The following ALK variants were observed in gnomAD, a reference collection of about 807,000 sequenced individuals.
ALK encodes the protein ALK receptor tyrosine kinase.
ALK carries 74 observed loss-of-function variants against 163.1 expected under a neutral mutation model. The ratio of observed to expected loss-of-function variants is 0.45; its 90% CI spans 0.38 to 0.55. ALK has a LOEUF of 0.55. ALK is among the 20% of genes least tolerant of loss of function. The probability of loss-of-function intolerance (pLI) is 0.00; values close to 1 mark genes in which losing one functional copy is unlikely to be tolerated. For missense variants in ALK, 2,063 were observed against 2,105.3 expected (o/e 0.98, Z 0.39); for synonymous variants, 960 against 843.2 (o/e 1.14, Z -2.40).
chr2:29,587,579 C>T (rs764809670), intron 3 of ALK, among the ~76,000 whole-genome samples: 4 of 152,120 alleles, frequency 2.6e-5, no homozygotes, highest in East Asian at 1.9e-4. Context: ...TCAACTCATT[C>T]GCCTGGAGCT....
At chr2:29,296,808 C>T (rs1033369168) in intron 9 of ALK, 80 bp downstream of exon 9, 101 of 1,587,846 alleles carry the variant, frequency 6.4e-5, no homozygotes, top group East Asian at 2.3e-4. Flanking sequence ...GTAAAAGGCA[C>T]GGGGAAAGGG....
intron 3 of ALK, among the ~76,000 whole-genome samples, chr2:29,584,257 CTCATT>C (rs1674808703): frequency 6.6e-6 from 1 of 152,220 alleles, no homozygotes; most frequent in African/African-American, 2.4e-5. Flanking sequence ...AGGAACCCTC[CTCATT>C]TATTACTTGT....
intron 4 of ALK, among the ~76,000 whole-genome samples, chr2:29,460,494 A>C (rs1456545130): frequency 1.3e-5 from 2 of 152,240 alleles, no homozygotes; most frequent in East Asian, 1.9e-4. Context: ...ATTTTCCAGC[A>C]GTGTGTGCTC....
At chr2:29,292,262 T>A (rs1666049131) in intron 9 of ALK, among the ~76,000 whole-genome samples, 1 of 152,254 alleles carries the variant, frequency 6.6e-6, no homozygotes, top group South Asian at 2.1e-4. Context: ...GGGACATGAT[T>A]TGATCCATGG....
intron 3 of ALK, among the ~76,000 whole-genome samples, chr2:29,634,477 A>G (rs1676467324): frequency 6.6e-6 from 1 of 152,206 alleles, no homozygotes; most frequent in African/African-American, 2.4e-5. Context: ...CAATATTAAA[A>G]AAATCAATCA....
chr2:29,247,117 C>CCCCCGGCCTCCGCGGCAGCGCCTTTTA (rs999982159), intron 12 of ALK, among the ~76,000 whole-genome samples: 14 of 152,126 alleles, frequency 9.2e-5, no homozygotes, highest in South Asian at 8.3e-4. Flanking sequence ...CAGCGCCTTT[C>CCCCCGGCCTCCGCGGCAGCGCCTTTTA]CCCCGGCCTC....
chr2:29,325,308 T>G (rs892087273), intron 6 of ALK, among the ~76,000 whole-genome samples: 3 of 152,134 alleles, frequency 2.0e-5, no homozygotes, highest in African/African-American at 7.2e-5. Flanking sequence ...AAGAGTATTT[T>G]CCTATGATGT....
At chr2:29,229,162 GC>G (rs1664114273) in intron 15 of ALK, 96 bp from the exon 16 acceptor site, 1 of 1,099,792 alleles carries the variant, frequency 9.1e-7, no homozygotes, top group Non-Finnish European at 1.4e-6. Context: ...CTTGGAGGGC[GC>G]CCGCACCAGC....
chr2:29,283,785 C>A (rs1484284098), intron 9 of ALK, among the ~76,000 whole-genome samples: 1 of 152,054 alleles, frequency 6.6e-6, no homozygotes, highest in Non-Finnish European at 1.5e-5. Flanking sequence ...TTTATTGCTC[C>A]TGTTTTATAT....
At chr2:29,326,269 A>C (rs1667257978) in intron 6 of ALK, among the ~76,000 whole-genome samples, 2 of 152,168 alleles carry the variant, frequency 1.3e-5, no homozygotes. Flanking sequence ...CCCTGAGCCC[A>C]TAGTAATGGA....
chr2:29,913,815 A>G (rs1329627077), intron 1 of ALK, among the ~76,000 whole-genome samples: 4 of 152,110 alleles, frequency 2.6e-5, no homozygotes, highest in Admixed American at 1.3e-4. Flanking sequence ...AGGTCCATTA[A>G]CCAGTTGGTA....
chr2:29,777,806 A>C (rs1010123444), intron 1 of ALK, among the ~76,000 whole-genome samples: 4 of 152,136 alleles, frequency 2.6e-5, no homozygotes, highest in African/African-American at 9.7e-5. Context: ...CACTTTAAGT[A>C]AGGAGGCACT....
At chr2:29,427,535 GA>G (rs1670174156) in intron 4 of ALK, among the ~76,000 whole-genome samples, 1 of 150,544 alleles carries the variant, frequency 6.6e-6, no homozygotes, top group Non-Finnish European at 1.5e-5. Context: ...AAACTACTAA[GA>G]AAAAAACTCA....
intron 4 of ALK, among the ~76,000 whole-genome samples, chr2:29,504,308 G>T (rs2148134437): frequency 6.6e-6 from 1 of 152,278 alleles, no homozygotes; most frequent in South Asian, 2.1e-4. Context: ...GTCACACAGG[G>T]CTTTAGGCTG....
In ALK at chr2:29,196,632, A is replaced by C. The variant is rs552394566; in HGVS notation, c.4164+138T>G. ...ATGGAGACACCAGTCATTTCATTTT[A>C]GAGAAAATTAATTTTCACTATTTTG... On this transcript the variant is annotated intron_variant, in intron 28 of 28. Transcript: ENST00000389048. The C allele has an allele frequency of 2.9e-4, 216 of 742,402 alleles. No individual in the cohort carries two copies. In the African/African-American group the frequency reaches 3.2e-3, roughly 11 times the overall value. 46.0% of individuals were successfully genotyped at this position (742,402 alleles called of 1,614,324 possible). A position where few individuals can be genotyped will look rare whatever the true frequency, so the allele number is the denominator to read the frequency against.
At chr2:29,516,024 G>A (rs1672652692) in intron 4 of ALK, among the ~76,000 whole-genome samples, 1 of 152,198 alleles carries the variant, frequency 6.6e-6, no homozygotes, top group Non-Finnish European at 1.5e-5. Flanking sequence ...TGGGTCCAGT[G>A]ACCTGGGTGA....
At chr2:29,725,384 C>G (rs1381780879) in intron 1 of ALK, among the ~76,000 whole-genome samples, 1 of 152,110 alleles carries the variant, frequency 6.6e-6, no homozygotes, top group Non-Finnish European at 1.5e-5. Flanking sequence ...AAATCCTACC[C>G]CTTCTTAAAG....
At chr2:29,368,206 G>A (rs1335232247) in intron 5 of ALK, among the ~76,000 whole-genome samples, 1 of 152,206 alleles carries the variant, frequency 6.6e-6, no homozygotes, top group Admixed American at 6.5e-5. Context: ...GAGCTTTGCA[G>A]ACAGAACACT....
At chr2:29,913,475 C>T (rs1321179508) in intron 1 of ALK, among the ~76,000 whole-genome samples, 1 of 152,144 alleles carries the variant, frequency 6.6e-6, no homozygotes, top group Non-Finnish European at 1.5e-5. Context: ...ATTGGCCACA[C>T]CCTAGACCAC....
Sources: allele counts gnomAD v4.1 joint callset (sites outside exome capture counted in the v4.1 genomes callset), GRCh38; gene constraint gnomAD v4.1.1; transcripts MANE v1.5; gene names NCBI Gene and HGNC (gene_info 2026-07-23, HGNC 2026-07-21).